Variants in HYAL4 observed in about 807,000 individuals in gnomAD.
HYAL4 encodes the protein hyaluronidase-4.
In HYAL4, 37 loss-of-function variants were observed where a neutral mutation model predicts 35.2. The observed-to-expected ratio is 1.05, with a 90% CI of 0.81 to 1.38. The LOEUF (loss-of-function observed/expected upper bound fraction) is 1.38. HYAL4 is among the 40% of genes most tolerant of loss of function. HYAL4 has a pLI of 0.00. For synonymous variants in HYAL4, 198 were observed against 203.2 expected, an observed-to-expected ratio of 0.97 and a Z score of 0.22; for missense variants, 572 against 572.4, an observed-to-expected ratio of 1.00 and a Z score of 0.01.
chr7:123,868,425 C>A lies in HYAL4; in HGVS notation c.152C>A (p.Ala51Asp), dbSNP rs764914400. 6.2e-7 allele frequency: 1 copy of A among 1,613,038 alleles called. No homozygotes were observed. Among genetic ancestry groups the A allele is most frequent in the East Asian group, 2.2e-5 (1 of 44,886 alleles). The change falls in exon 3 of 5, where the codon GCT (alanine) becomes GAT (aspartate). Residue 51 changes from alanine (A) to aspartate (D), a missense_variant. Coordinates refer to ENST00000223026, the MANE Select transcript of HYAL4 (RefSeq NM_012269.3). ...TATCAAAGGAAACCTTTTATAGCTG[C>A]TTGGAATGCTCCAACAGATCAGTGT... ...PIYQRKPFIA[A>D]WNAPTDQCLI...
the HYAL4 span, among the ~76,000 whole-genome samples, chr7:123,768,778 T>G: frequency 6.6e-6 from 1 of 152,176 alleles, no homozygotes; most frequent in Non-Finnish European, 1.5e-5. Context: ...AGGAATTACT[T>G]TGGAGCCAAG....
chr7:123,841,952 T>G (rs940593048), upstream of HYAL4, among the ~76,000 whole-genome samples: 15 of 152,154 alleles, frequency 9.9e-5, no homozygotes, highest in African/African-American at 3.6e-4. Context: ...AGCTCCTGGA[T>G]TCATTGATTT....
the HYAL4 span, among the ~76,000 whole-genome samples, chr7:123,817,217 A>G: frequency 2.0e-5 from 3 of 152,210 alleles, no homozygotes; most frequent in South Asian, 2.1e-4. Flanking sequence ...CTTGGCCTAT[A>G]TACATTAGCA....
At chr7:123,811,180 G>A in the HYAL4 span, among the ~76,000 whole-genome samples, 1 of 152,046 alleles carries the variant, frequency 6.6e-6, no homozygotes, top group East Asian at 1.9e-4. Flanking sequence ...GTGGGTGTAA[G>A]TTTCCAAGTT....
At chr7:123,866,624 C>T (rs1806691979) in intron 2 of HYAL4, among the ~76,000 whole-genome samples, 1 of 152,164 alleles carries the variant, frequency 6.6e-6, no homozygotes, top group Non-Finnish European at 1.5e-5. Context: ...TAATGACACA[C>T]AAGACTGCAA....
chr7:123,800,739 C>G, the HYAL4 span, among the ~76,000 whole-genome samples: 1 of 151,804 alleles, frequency 6.6e-6, no homozygotes, highest in Admixed American at 6.6e-5. Context: ...TCAGTGCAAC[C>G]TCTGCCTCTC....
chr7:123,840,953 T>A (rs1806047451), upstream of HYAL4, among the ~76,000 whole-genome samples: 1 of 152,076 alleles, frequency 6.6e-6, no homozygotes. Context: ...CTTGACTTCC[T>A]CATTTCCTAA....
At chr7:123,807,432 G>GTTTGTTTT in the HYAL4 span, among the ~76,000 whole-genome samples, 24 of 120,768 alleles carry the variant, frequency 2.0e-4, no homozygotes, top group Non-Finnish European at 2.4e-4. Context: ...ACTTTTTATG[G>GTTTGTTTT]TTTTTTTTTT....
the HYAL4 span, among the ~76,000 whole-genome samples, chr7:123,819,895 CTTT>C: frequency 7.2e-6 from 1 of 138,848 alleles, no homozygotes. Flanking sequence ...CTTTTTTTTT[CTTT>C]TTTTTTTTTT....
chr7:123,843,634 C>G (rs1806113355), upstream of HYAL4, among the ~76,000 whole-genome samples: 1 of 151,952 alleles, frequency 6.6e-6, no homozygotes, highest in Non-Finnish European at 1.5e-5. Flanking sequence ...TCAGGTATAC[C>G]AATCAAACAT....
the HYAL4 span, among the ~76,000 whole-genome samples, chr7:123,783,148 C>G: frequency 6.6e-6 from 1 of 152,064 alleles, no homozygotes; most frequent in Admixed American, 6.6e-5. Context: ...TGAGTTTCAG[C>G]TAATTTCAGT....
At chr7:123,849,431 G>A (rs1183346257) in intron 2 of HYAL4, among the ~76,000 whole-genome samples, 1 of 151,730 alleles carries the variant, frequency 6.6e-6, no homozygotes, top group Non-Finnish European at 1.5e-5. Context: ...CTCCTAAGTA[G>A]CTGGGATTAC....
chr7:123,768,495 C>T, the HYAL4 span, among the ~76,000 whole-genome samples: 2 of 152,140 alleles, frequency 1.3e-5, no homozygotes, highest in African/African-American at 2.4e-5. Flanking sequence ...AATATTGCCT[C>T]GATTCATCCT....
At chr7:123,826,810 G>C (rs1805807336), upstream of HYAL4, among the ~76,000 whole-genome samples, 1 of 152,060 alleles carries the variant, frequency 6.6e-6, no homozygotes, top group Non-Finnish European at 1.5e-5. Flanking sequence ...GAAACAGAAT[G>C]GTAGCAAGGG....
At chr7:123,830,804 T>C (rs564239428) in intron 1 of HYAL4, among the ~76,000 whole-genome samples, 1 of 152,348 alleles carries the variant, frequency 6.6e-6, no homozygotes, top group South Asian at 2.1e-4. Flanking sequence ...GATAATTTGC[T>C]TTCAATTTTT....
chr7:123,811,800 A>G, the HYAL4 span, among the ~76,000 whole-genome samples: 103 of 152,096 alleles, frequency 6.8e-4, no homozygotes, highest in African/African-American at 2.4e-3. Context: ...GGAGTTTTAT[A>G]GTTTTATATT....
chr7:123,861,550 A>G (rs1413349648), intron 2 of HYAL4, among the ~76,000 whole-genome samples: 5 of 152,202 alleles, frequency 3.3e-5, no homozygotes, highest in South Asian at 2.1e-4. Flanking sequence ...GACCAAGTGT[A>G]TACTTTAATA....
chr7:123,874,225 T>G (rs1285812654), intron 3 of HYAL4, among the ~76,000 whole-genome samples: 2 of 152,190 alleles, frequency 1.3e-5, no homozygotes, highest in African/African-American at 4.8e-5. Flanking sequence ...GCAAAATATG[T>G]TTTTCTTTAA....
intron 1 of HYAL4, among the ~76,000 whole-genome samples, chr7:123,829,671 C>CA (rs1805851322): frequency 6.6e-6 from 1 of 151,956 alleles, no homozygotes; most frequent in Admixed American, 6.6e-5. Flanking sequence ...CCCATCTCTA[C>CA]AAAAAATGTA....
Sources: allele counts gnomAD v4.1 joint callset (sites outside exome capture counted in the v4.1 genomes callset), GRCh38; gene constraint gnomAD v4.1.1; transcripts MANE v1.5; gene names NCBI Gene and HGNC (gene_info 2026-07-23, HGNC 2026-07-21).